Variants in CIMAP1D observed in about 807,000 individuals in gnomAD.
The protein encoded by CIMAP1D is CIMAP1 family member D, also known as protein CIMAP1D.
At chr19:485,098 G>A in the CIMAP1D span, among the ~76,000 whole-genome samples, 1 of 151,978 alleles carries the variant, frequency 6.6e-6, no homozygotes, top group African/African-American at 2.4e-5. Flanking sequence ...TGAGAGGAGG[G>A]GAGGGTCCTG....
chr19:488,339 G>A, the CIMAP1D span, among the ~76,000 whole-genome samples: 2 of 151,848 alleles, frequency 1.3e-5, no homozygotes, highest in African/African-American at 2.4e-5. Flanking sequence ...TGGCTAACAC[G>A]GTGAAACCCC....
At chr19:466,336 G>A in the CIMAP1D span, among the ~76,000 whole-genome samples, 2 of 118,560 alleles carry the variant, frequency 1.7e-5, no homozygotes, top group African/African-American at 3.2e-5. Flanking sequence ...GGTGGAGGGT[G>A]GATGGATGAG....
the CIMAP1D span, chr19:489,779 G>C: frequency 2.8e-6 from 1 of 361,150 alleles, no homozygotes; most frequent in African/African-American, 2.1e-5. Flanking sequence ...CTGCAGGGAC[G>C]GAGAGCGCGC....
At chr19:490,055 C>T in the CIMAP1D span, 14 of 398,450 alleles carry the variant, frequency 3.5e-5, no homozygotes, top group East Asian at 5.0e-4. Flanking sequence ...TAAAATAAAT[C>T]GTATGAAACA....
the CIMAP1D span, chr19:489,421 C>G: frequency 7.3e-6 from 1 of 137,604 alleles, no homozygotes; most frequent in South Asian, 2.3e-4. Flanking sequence ...AGACCCTCTA[C>G]GCCCGACCCG....
chr19:480,463 TGGGAAGGATGATG>T, the CIMAP1D span, among the ~76,000 whole-genome samples: 2 of 135,006 alleles, frequency 1.5e-5, no homozygotes, highest in East Asian at 2.6e-4. Flanking sequence ...GGGAGGATGA[TGGGAAGGATGATG>T]GGGAAGGATG....
the CIMAP1D span, among the ~76,000 whole-genome samples, chr19:485,516 C>T: frequency 2.0e-5 from 3 of 152,242 alleles, no homozygotes; most frequent in Non-Finnish European, 2.9e-5. Context: ...CTCCACCATC[C>T]AGGCTGGCGC....
the CIMAP1D span, among the ~76,000 whole-genome samples, chr19:487,556 A>C: frequency 3.9e-5 from 6 of 152,260 alleles, no homozygotes; most frequent in South Asian, 1.2e-3. Flanking sequence ...TGTGGTCCCA[A>C]CACTTTGGAA....
the CIMAP1D span, chr19:489,230 T>A: frequency 6.6e-6 from 1 of 151,954 alleles, no homozygotes; most frequent in African/African-American, 2.4e-5. Context: ...GGGTCGAGAA[T>A]GTCATCAGCA....
chr19:464,311 C>T, the CIMAP1D span: 28 of 1,540,674 alleles, frequency 1.8e-5, no homozygotes, highest in East Asian at 2.5e-5. Flanking sequence ...CGATGGCGCA[C>T]AGGGGGCACC....
the CIMAP1D span, among the ~76,000 whole-genome samples, chr19:488,841 G>A: frequency 5.3e-5 from 8 of 152,152 alleles, no homozygotes; most frequent in African/African-American, 1.7e-4. Flanking sequence ...GAAGACTCGC[G>A]GCGGGGACGC....
At chr19:488,196 G>A in the CIMAP1D span, among the ~76,000 whole-genome samples, 11,308 of 151,858 alleles carry the variant, frequency 0.074, 901 homozygotes, top group East Asian at 0.31. Flanking sequence ...TTTTGTCTGC[G>A]GCTCTTCCTG....
chr19:483,206 C>T, the CIMAP1D span, among the ~76,000 whole-genome samples: 1 of 151,978 alleles, frequency 6.6e-6, no homozygotes, highest in African/African-American at 2.4e-5. Context: ...CAGCAGCTGA[C>T]TGCTGCTCTC....
At chr19:466,018 G>A in the CIMAP1D span, among the ~76,000 whole-genome samples, 303 of 143,148 alleles carry the variant, frequency 2.1e-3, 3 homozygotes, top group African/African-American at 8.0e-3. Flanking sequence ...GGAAGGACGG[G>A]TGGATAGATG....
the CIMAP1D span, among the ~76,000 whole-genome samples, chr19:482,801 G>T: frequency 6.6e-6 from 1 of 152,148 alleles, no homozygotes; most frequent in African/African-American, 2.4e-5. Flanking sequence ...ACCTACACCT[G>T]CCAGTCTGAA....
At chr19:469,271 G>A in the CIMAP1D span, among the ~76,000 whole-genome samples, 1 of 151,182 alleles carries the variant, frequency 6.6e-6, no homozygotes, top group Non-Finnish European at 1.5e-5. Flanking sequence ...CCAGGCTGGA[G>A]AGTGCAGTGG....
At chr19:472,388 C>T in the CIMAP1D span, 1 of 1,522,458 alleles carries the variant, frequency 6.6e-7, no homozygotes, top group Non-Finnish European at 8.8e-7. Context: ...CACTCGCCCG[C>T]CTTACCCTCA....
At chr19:484,415 A>C in the CIMAP1D span, among the ~76,000 whole-genome samples, 3 of 152,170 alleles carry the variant, frequency 2.0e-5, no homozygotes, top group Admixed American at 6.5e-5. Context: ...TGCTGGGATT[A>C]CAGGCATGAG....
the CIMAP1D span, among the ~76,000 whole-genome samples, chr19:464,828 T>A: frequency 6.6e-6 from 1 of 151,984 alleles, no homozygotes; most frequent in East Asian, 1.9e-4. Flanking sequence ...AGGTAGGAGG[T>A]GAGTGGTTGA....
Sources: allele counts gnomAD v4.1 joint callset (sites outside exome capture counted in the v4.1 genomes callset), GRCh38; gene constraint gnomAD v4.1.1; transcripts MANE v1.5; gene names NCBI Gene and HGNC (gene_info 2026-07-23, HGNC 2026-07-21).